Variants in CHID1 observed in about 807,000 individuals in gnomAD.
CHID1 encodes chitinase domain-containing protein 1.
A neutral mutation model predicts 55.4 loss-of-function variants in CHID1; 44 were observed. That is an observed-to-expected ratio of 0.79 (90% CI 0.62 to 1.02). The LOEUF is 1.02. CHID1 is among the 50% of genes least tolerant of loss of function. CHID1 has a pLI of 0.00. For missense variants in CHID1, 491 were observed against 515.3 expected (o/e 0.95, Z 0.46); for synonymous variants, 216 against 212.9 (o/e 1.01, Z -0.13).
At chr11:906,116 T>C (rs1404846472) in intron 1 of CHID1, among the ~76,000 whole-genome samples, 2 of 152,116 alleles carry the variant, frequency 1.3e-5, no homozygotes, top group Middle Eastern at 3.2e-3. Flanking sequence ...TGTATTTTAA[T>C]AGAGATGAGG....
intron 10 of CHID1, among the ~76,000 whole-genome samples, chr11:870,911 G>A (rs1589812340): frequency 1.3e-5 from 2 of 152,212 alleles, no homozygotes; most frequent in East Asian, 3.9e-4. Flanking sequence ...GCTGGCCCTG[G>A]ACTGATGGGC....
intron 3 of CHID1, 47 bp from the exon 4 acceptor site, chr11:902,377 C>T: frequency 6.3e-7 from 1 of 1,594,882 alleles, no homozygotes; most frequent in Non-Finnish European, 8.6e-7. Flanking sequence ...GAGTGAGCAC[C>T]TGTCTCACCA....
At chr11:885,685 T>C (rs7938542) in intron 8 of CHID1, among the ~76,000 whole-genome samples, 67,359 of 151,568 alleles carry the variant, frequency 0.44, 15,670 homozygotes, top group Admixed American at 0.52. Flanking sequence ...AACCTCCCTC[T>C]GGGCCGAGGC....
intron 10 of CHID1, among the ~76,000 whole-genome samples, chr11:881,946 G>A (rs1849971272): frequency 6.6e-6 from 1 of 150,864 alleles, no homozygotes; most frequent in African/African-American, 2.4e-5. Context: ...TGAGGCTGCA[G>A]TGAGCTATGA....
chr11:900,387 C>T (rs546686228), intron 5 of CHID1, among the ~76,000 whole-genome samples: 8 of 152,280 alleles, frequency 5.3e-5, no homozygotes, highest in Middle Eastern at 6.8e-3. Flanking sequence ...ATGGTTGTGG[C>T]CCCACCTTAC....
intron 8 of CHID1, among the ~76,000 whole-genome samples, chr11:886,075 C>T (rs772349639): frequency 2.1e-5 from 3 of 144,844 alleles, no homozygotes; most frequent in African/African-American, 5.2e-5. Context: ...CGTGTGAAAC[C>T]GGGAAGTGAA....
In CHID1 at chr11:875,291, C is replaced by G. The variant is rs1318018913; in HGVS notation, c.960-4792G>C. On this transcript the variant is annotated intron_variant, in intron 10 of 12. Coordinates refer to ENST00000323578, the MANE Select transcript of CHID1 (RefSeq NM_023947.4). The surrounding 1 kb of genome is among the most constrained non-coding windows in gnomAD (Gnocchi z 4.7). ...CCCTCCTCGGTGGGTGGCCATCCTT[C>G]TTCGGGGCTGTCCTGTCTGAAATGT... Among the ~76,000 whole-genome samples, 2 of 152,198 alleles carry G rather than the reference C, an allele frequency of 1.3e-5. No individual in the cohort carries two copies. Among genetic ancestry groups the G allele is most frequent in the Non-Finnish European group, 2.9e-5 (2 of 68,024 alleles).
intron 7 of CHID1, among the ~76,000 whole-genome samples, 195 bp from the exon 8 acceptor site, chr11:893,714 G>A (rs572751199): frequency 6.6e-6 from 1 of 152,116 alleles, no homozygotes; most frequent in South Asian, 2.1e-4. Flanking sequence ...TCATGCCCCA[G>A]TGGGCCCCCT....
intron 10 of CHID1, among the ~76,000 whole-genome samples, chr11:881,859 C>T (rs944505697): frequency 4.6e-5 from 7 of 151,710 alleles, no homozygotes; most frequent in Non-Finnish European, 8.8e-5. Flanking sequence ...CAAAAATTAG[C>T]GGGGCATGGT....
chr11:910,541 C>T, intron 1 of CHID1: 1 of 1,028,924 alleles, frequency 9.7e-7, no homozygotes, highest in Non-Finnish European at 1.2e-6. Context: ...CGCCCTCCAC[C>T]CCCGCTCTCG....
chr11:893,379 CCCCAGAG>C, intron 8 of CHID1, 41 bp downstream of exon 8: 1 of 1,490,718 alleles, frequency 6.7e-7, no homozygotes, highest in Non-Finnish European at 9.1e-7. Flanking sequence ...CTGCCCCCGA[CCCCAGAG>C]CCCTCCACAG....
rs548217353 is a variant in CHID1 at position 875,450 on chromosome 11, G to T, written c.960-4951C>A. Among the ~76,000 whole-genome samples the T allele has an allele frequency of 6.6e-6, 1 of 152,364 alleles. No homozygotes were observed. Among genetic ancestry groups the T allele is most frequent in the Admixed American group, 6.5e-5 (1 of 15,310 alleles). On this transcript the variant is annotated intron_variant, in intron 10 of 12. Coordinates refer to ENST00000323578, the MANE Select transcript of CHID1 (RefSeq NM_023947.4). The surrounding 1 kb of genome is among the most constrained non-coding windows in gnomAD (Gnocchi z 4.7). ...CCCATTGGGGATGTGCTCAGGAGCT[G>T]CTGCTAGTCAGCCAAGGCTCCCAGA...
intron 8 of CHID1, among the ~76,000 whole-genome samples, chr11:887,769 T>C (rs1430012910): frequency 6.6e-6 from 1 of 152,130 alleles, no homozygotes; most frequent in East Asian, 1.9e-4. Context: ...GCCGGGCTCG[T>C]GTGCCTCCCC....
chr11:899,483 C>T (rs199640251), intron 6 of CHID1, 82 bp from the exon 7 acceptor site: 1 of 1,327,778 alleles, frequency 7.5e-7, no homozygotes, highest in Middle Eastern at 2.0e-4. Context: ...CCACCTCGGC[C>T]CACATGGTCA....
rs921794287 is a variant in CHID1 at position 875,942 on chromosome 11, T to C, written c.960-5443A>G. On this transcript the variant is annotated intron_variant, in intron 10 of 12. Coordinates refer to ENST00000323578, the MANE Select transcript of CHID1 (RefSeq NM_023947.4). This position sits in a 1 kb window ranked among gnomAD's most constrained non-coding sequence, Gnocchi z 4.7. ...AGGAGGCTGGGACTGGATGACTGGC[T>C]GGTGTGGGTGGCAGGCGCCGCATTG... Among the ~76,000 whole-genome samples the C allele has an allele frequency of 3.3e-5, 5 of 152,024 alleles. No individual in the cohort carries two copies. Among genetic ancestry groups the C allele is most frequent in the African/African-American group, 1.2e-4 (5 of 41,364 alleles).
chr11:870,049 C>T (rs2134095660), intron 12 of CHID1, 72 bp downstream of exon 12: 3 of 1,605,798 alleles, frequency 1.9e-6, no homozygotes, highest in Non-Finnish European at 2.6e-6. Flanking sequence ...CCGCCTGGAC[C>T]CCAGGCCAGT....
At chr11:909,726 G>A (rs1333500242) in intron 1 of CHID1, among the ~76,000 whole-genome samples, 1 of 152,256 alleles carries the variant, frequency 6.6e-6, no homozygotes, top group Non-Finnish European at 1.5e-5. Flanking sequence ...ACTAACTGGT[G>A]CATGGCGGCT....
intron 10 of CHID1, 82 bp from the exon 11 acceptor site, chr11:870,581 C>G (rs1027255434): frequency 9.8e-7 from 1 of 1,019,514 alleles, no homozygotes; most frequent in African/African-American, 1.6e-5. Flanking sequence ...CTGTGGCTCT[C>G]AGCAGGGGCA....
At chr11:889,469 G>T (rs1343631078) in intron 8 of CHID1, among the ~76,000 whole-genome samples, 1 of 152,128 alleles carries the variant, frequency 6.6e-6, no homozygotes, top group Non-Finnish European at 1.5e-5. Flanking sequence ...TCTCTTCCCT[G>T]CTCCTGCACT....
Sources: allele counts gnomAD v4.1 joint callset (sites outside exome capture counted in the v4.1 genomes callset), GRCh38; gene constraint gnomAD v4.1.1; non-coding constraint Gnocchi (gnomAD v3.1); transcripts MANE v1.5; gene names NCBI Gene and HGNC (gene_info 2026-07-23, HGNC 2026-07-21).